Variants in NALF1 observed in about 807,000 individuals in gnomAD.
The protein encoded by NALF1 is family with sequence similarity 155 member A.
NALF1 carries 3 observed loss-of-function variants against 48.4 expected under a neutral mutation model. The ratio of observed to expected loss-of-function variants is 0.06; its 90% confidence interval spans 0.03 to 0.16. The LOEUF is 0.16. Among genes scored for constraint, NALF1 ranks in the 10% least tolerant of loss-of-function variants. The pLI is 1.00. For synonymous variants in NALF1, 262 were observed against 245.7 expected, an observed-to-expected ratio of 1.07 and a Z score of -0.62; for missense variants, 526 against 571.5, an observed-to-expected ratio of 0.92 and a Z score of 0.81.
At chr13:107,775,528 G>A (rs1425357786) in intron 1 of NALF1, among the ~76,000 whole-genome samples, 2 of 151,906 alleles carry the variant, frequency 1.3e-5, no homozygotes, top group African/African-American at 4.8e-5. Context: ...GTGTGCATGT[G>A]TCCTTATAGC....
chr13:107,372,805 G>T (rs182746585), intron 1 of NALF1, among the ~76,000 whole-genome samples: 2 of 152,116 alleles, frequency 1.3e-5, no homozygotes, highest in African/African-American at 2.4e-5. Context: ...GATATCAAAG[G>T]TCCCAAGAAA....
intron 1 of NALF1, among the ~76,000 whole-genome samples, chr13:107,706,057 C>T (rs565869620): frequency 6.6e-6 from 1 of 152,218 alleles, no homozygotes; most frequent in East Asian, 1.9e-4. Flanking sequence ...TCTCTAGTAT[C>T]GCCAATGACT....
intron 1 of NALF1, among the ~76,000 whole-genome samples, chr13:107,467,623 G>T (rs146325004): frequency 5.8e-4 from 89 of 152,194 alleles, no homozygotes; most frequent in Admixed American, 1.6e-3. Context: ...TAGCAATTAA[G>T]AAATTTATTT....
chr13:107,516,316 C>T (rs1348586179), intron 1 of NALF1, among the ~76,000 whole-genome samples: 2 of 152,116 alleles, frequency 1.3e-5, no homozygotes, highest in East Asian at 3.9e-4. Flanking sequence ...ATCAGTGTGG[C>T]AGAAAGCATT....
intron 1 of NALF1, among the ~76,000 whole-genome samples, chr13:107,224,256 T>C (rs1195596248): frequency 2.6e-5 from 4 of 151,702 alleles, no homozygotes; most frequent in Admixed American, 6.6e-5. Context: ...TACTGAAATA[T>C]GCAAAAATCA....
chr13:107,291,994 T>C (rs555009507), intron 1 of NALF1, among the ~76,000 whole-genome samples: 42 of 152,336 alleles, frequency 2.8e-4, no homozygotes, highest in African/African-American at 9.6e-4. Flanking sequence ...TACACAGTCA[T>C]GCATTGCTTA....
intron 1 of NALF1, among the ~76,000 whole-genome samples, chr13:107,410,805 T>C (rs1474303674): frequency 6.6e-6 from 1 of 152,192 alleles, no homozygotes; most frequent in East Asian, 1.9e-4. Flanking sequence ...TAATGATTAA[T>C]ATTTCACATA....
intron 1 of NALF1, among the ~76,000 whole-genome samples, chr13:107,402,183 C>A (rs186137785): frequency 9.8e-5 from 15 of 152,320 alleles, no homozygotes; most frequent in South Asian, 4.1e-4. Flanking sequence ...TGCCAGCAGA[C>A]TCTCTCCTTT....
chr13:107,634,976 G>A (rs73597305), intron 1 of NALF1, among the ~76,000 whole-genome samples: 1,847 of 152,162 alleles, frequency 0.012, 39 homozygotes, highest in African/African-American at 0.042. Context: ...AAGCTGAAGG[G>A]TGACAGGTAT....
At chr13:107,784,980 G>A (rs1005416164) in intron 1 of NALF1, among the ~76,000 whole-genome samples, 17 of 152,084 alleles carry the variant, frequency 1.1e-4, no homozygotes, top group African/African-American at 4.1e-4. Flanking sequence ...ATTCACAATT[G>A]CAAAATCGCG....
intron 1 of NALF1, among the ~76,000 whole-genome samples, chr13:107,624,738 A>G (rs1323514373): frequency 6.6e-6 from 1 of 152,224 alleles, no homozygotes; most frequent in East Asian, 1.9e-4. Context: ...CCATGTAGCT[A>G]CCAGTACTAC....
Position 107,648,937 on chromosome 13 carries a change from G to T in NALF1, c.915+216745C>A, listed in dbSNP as rs182691432. On this transcript the variant is annotated intron_variant, in intron 1 of 2. Transcript: ENST00000375915. ...TTTATGTTTCCCTACAACATGCAAT[G>T]TTGAGTATCTTTTCATCTGCTTATT... 9.9e-5 allele frequency among the ~76,000 whole-genome samples: 15 copies of T among 152,250 alleles called. 1 individual carries two copies. The highest frequency in any genetic ancestry group is 9.8e-4 in the Admixed American group (15 of 15,288).
intron 1 of NALF1, among the ~76,000 whole-genome samples, chr13:107,284,986 A>G (rs1566474504): frequency 6.6e-6 from 1 of 152,208 alleles, no homozygotes; most frequent in Non-Finnish European, 1.5e-5. Context: ...TGTAATAACT[A>G]AAAAATTCAC....
intron 1 of NALF1, among the ~76,000 whole-genome samples, chr13:107,433,246 T>A (rs1449049387): frequency 6.6e-6 from 1 of 152,222 alleles, no homozygotes; most frequent in Non-Finnish European, 1.5e-5. Flanking sequence ...TTAATTTTTA[T>A]TGTACATTAT....
intron 1 of NALF1, among the ~76,000 whole-genome samples, chr13:107,222,823 T>C (rs999959135): frequency 1.3e-5 from 2 of 152,230 alleles, no homozygotes; most frequent in Non-Finnish European, 1.5e-5. Flanking sequence ...CTGGCATGAC[T>C]CAGCCATTAG....
At chr13:107,577,980 C>T (rs1338783617) in intron 1 of NALF1, among the ~76,000 whole-genome samples, 1 of 152,150 alleles carries the variant, frequency 6.6e-6, no homozygotes, top group Non-Finnish European at 1.5e-5. Flanking sequence ...CAGCTTAAAA[C>T]CCTTTGAGAT....
At chr13:107,592,731 C>T (rs9520500) in intron 1 of NALF1, among the ~76,000 whole-genome samples, 4,062 of 151,886 alleles carry the variant, frequency 0.027, 96 homozygotes, top group Non-Finnish European at 0.038. Context: ...CAGTAATTAT[C>T]AAGGTCCAAA....
At chr13:107,718,437 C>T (rs1345429882) in intron 1 of NALF1, among the ~76,000 whole-genome samples, 7 of 152,200 alleles carry the variant, frequency 4.6e-5, no homozygotes, top group African/African-American at 9.7e-5. Flanking sequence ...GTGGCTACCA[C>T]ACCTATGATT....
chr13:107,803,981 T>C (rs1179203974), intron 1 of NALF1, among the ~76,000 whole-genome samples: 1 of 152,180 alleles, frequency 6.6e-6, no homozygotes, highest in Non-Finnish European at 1.5e-5. Context: ...GTAGTTCCAT[T>C]GACTTCTCCT....
Sources: gnomAD v4.1 joint callset for allele counts (sites outside exome capture counted in the v4.1 genomes callset) on GRCh38, gnomAD v4.1.1 for gene constraint, MANE v1.5 for transcripts, NCBI Gene and HGNC (gene_info 2026-07-23, HGNC 2026-07-21) for gene names.